Variants in IQGAP2 observed in about 807,000 individuals in gnomAD.
The protein encoded by IQGAP2 is ras GTPase-activating-like protein IQGAP2.
In IQGAP2, 173 loss-of-function variants were observed where a neutral mutation model predicts 201.3. The ratio of observed to expected loss-of-function variants is 0.86; its 90% CI spans 0.76 to 0.98. IQGAP2 has a LOEUF of 0.98. Ranked by LOEUF, IQGAP2 falls within the 50% of genes least tolerant of loss-of-function variation. The pLI is 0.00. For missense variants in IQGAP2, 1,687 were observed against 1,864.8 expected, an observed-to-expected ratio of 0.90 and a Z score of 1.76; for synonymous variants, 675 against 673.9, an observed-to-expected ratio of 1.00 and a Z score of -0.03.
At chr5:76,700,696 A>C (rs1294992627) in intron 33 of IQGAP2, among the ~76,000 whole-genome samples, 1 of 152,256 alleles carries the variant, frequency 6.6e-6, no homozygotes, top group Non-Finnish European at 1.5e-5. Flanking sequence ...GTGTTTGTTA[A>C]ATAGATTAAA....
intron 23 of IQGAP2, among the ~76,000 whole-genome samples, chr5:76,671,203 G>A (rs1028468573): frequency 9.9e-5 from 15 of 152,226 alleles, no homozygotes; most frequent in African/African-American, 3.6e-4. Context: ...GGAGGTTGCA[G>A]TGAGCCAAGA....
At chr5:76,705,907 A>C (rs1186520067) in intron 35 of IQGAP2, among the ~76,000 whole-genome samples, 1 of 152,246 alleles carries the variant, frequency 6.6e-6, no homozygotes, top group Non-Finnish European at 1.5e-5. Flanking sequence ...GTTACAGCTT[A>C]GTTTCATGCA....
chr5:76,657,299 T>C (rs949488074), intron 20 of IQGAP2, among the ~76,000 whole-genome samples: 5 of 152,162 alleles, frequency 3.3e-5, no homozygotes, highest in African/African-American at 1.2e-4. Context: ...CGGTGGTGCA[T>C]TGCTAAGGCC....
intron 2 of IQGAP2, among the ~76,000 whole-genome samples, chr5:76,496,212 TG>T (rs1756881593): frequency 6.6e-6 from 1 of 152,200 alleles, no homozygotes; most frequent in African/African-American, 2.4e-5. Context: ...TATCATCTAA[TG>T]GTTTCTTTAG....
chr5:76,645,312 T>C (rs946759726), intron 17 of IQGAP2, among the ~76,000 whole-genome samples: 2 of 152,220 alleles, frequency 1.3e-5, no homozygotes, highest in Non-Finnish European at 1.5e-5. Flanking sequence ...GTAAACATAC[T>C]TGTGCATGTG....
chr5:76,502,130 C>T (rs900484809), intron 2 of IQGAP2, among the ~76,000 whole-genome samples: 4 of 152,126 alleles, frequency 2.6e-5, no homozygotes, highest in African/African-American at 9.7e-5. Context: ...ACTAGAAAGT[C>T]GCCTGCTTAT....
chr5:76,514,778 G>T (rs1012703613), intron 2 of IQGAP2, among the ~76,000 whole-genome samples: 2 of 152,156 alleles, frequency 1.3e-5, no homozygotes, highest in Non-Finnish European at 2.9e-5. Flanking sequence ...TTGGACTGTA[G>T]GTTACCTGAT....
intron 2 of IQGAP2, among the ~76,000 whole-genome samples, chr5:76,475,532 G>A (rs1477096457): frequency 6.6e-6 from 1 of 152,140 alleles, no homozygotes; most frequent in African/African-American, 2.4e-5. Context: ...ACCAAAGATC[G>A]AGACCCACCA....
intron 27 of IQGAP2, 24 bp from the exon 28 acceptor site, chr5:76,677,194 T>A: frequency 6.2e-7 from 1 of 1,609,042 alleles, no homozygotes; most frequent in Non-Finnish European, 8.5e-7. Flanking sequence ...GAGTCTGTCT[T>A]AAGACTTTTC....
intron 33 of IQGAP2, 146 bp from the exon 34 acceptor site, chr5:76,700,930 C>A: frequency 1.4e-6 from 1 of 723,604 alleles, no homozygotes; most frequent in Non-Finnish European, 2.2e-6. Flanking sequence ...ACAAAATTAC[C>A]TACTATCACA....
chr5:76,662,169 G>A (rs1743310056), intron 21 of IQGAP2, among the ~76,000 whole-genome samples: 1 of 152,236 alleles, frequency 6.6e-6, no homozygotes, highest in Non-Finnish European at 1.5e-5. Context: ...CTCACAGGGA[G>A]AAGGAAGAGG....
At chr5:76,435,617 G>A (rs1304343679) in intron 1 of IQGAP2, among the ~76,000 whole-genome samples, 2 of 152,148 alleles carry the variant, frequency 1.3e-5, no homozygotes, top group East Asian at 3.8e-4. Flanking sequence ...GTCAGTTAAT[G>A]TGATACCTCC....
intron 1 of IQGAP2, among the ~76,000 whole-genome samples, chr5:76,426,905 G>GGGGTGTGTGTGTGTGTGTGT (rs1554054705): frequency 1.4e-4 from 20 of 146,698 alleles, no homozygotes; most frequent in African/African-American, 5.0e-4. Flanking sequence ...AACCATGGAG[G>GGGGTGTGTGTGTGTGTGTGT]GTGTGTGTGT....
chr5:76,578,529 G>T (rs910776403), intron 5 of IQGAP2, among the ~76,000 whole-genome samples: 1 of 152,078 alleles, frequency 6.6e-6, no homozygotes, highest in East Asian at 1.9e-4. Flanking sequence ...GGCCAGGATG[G>T]TCTTGATCTC....
chr5:76,500,807 A>C (rs191183406), intron 2 of IQGAP2, among the ~76,000 whole-genome samples: 1 of 152,336 alleles, frequency 6.6e-6, no homozygotes, highest in Admixed American at 6.5e-5. Flanking sequence ...AGATCATAGA[A>C]TAGCCTTTCC....
chr5:76,681,672 T>C (rs1285901754), intron 28 of IQGAP2, among the ~76,000 whole-genome samples: 2 of 152,108 alleles, frequency 1.3e-5, no homozygotes, highest in Non-Finnish European at 2.9e-5. Flanking sequence ...ACAGAGAGGC[T>C]GGAGTATGGC....
At chr5:76,566,357 C>T (rs1210220038) in intron 3 of IQGAP2, among the ~76,000 whole-genome samples, 1 of 152,146 alleles carries the variant, frequency 6.6e-6, no homozygotes, top group Non-Finnish European at 1.5e-5. Flanking sequence ...AGAAAGTCAC[C>T]TGTGTGCAGT....
intron 9 of IQGAP2, 138 bp downstream of exon 9, chr5:76,593,063 T>G: frequency 1.5e-6 from 1 of 670,032 alleles, no homozygotes; most frequent in Non-Finnish European, 2.7e-6. Flanking sequence ...GTGTCAGTGT[T>G]GCTCTTAATT....
At chr5:76,623,076 G>A in intron 13 of IQGAP2, 1 of 1,169,212 alleles carries the variant, frequency 8.6e-7, no homozygotes, top group Non-Finnish European at 1.3e-6. Flanking sequence ...TTTACAGTTT[G>A]TGTGAGATGC....
Sources: gnomAD v4.1 joint callset for allele counts (sites outside exome capture counted in the v4.1 genomes callset) on GRCh38, gnomAD v4.1.1 for gene constraint, MANE v1.5 for transcripts, NCBI Gene and HGNC (gene_info 2026-07-23, HGNC 2026-07-21) for gene names.